The following SEMA3A variants were observed in gnomAD, a reference collection of about 807,000 sequenced individuals.
The protein encoded by SEMA3A is semaphorin 3A, also known as semaphorin-3A.
A neutral mutation model predicts 97.9 loss-of-function variants in SEMA3A; 29 were observed. The observed-to-expected ratio is 0.30, with a 90% CI of 0.22 to 0.40. The LOEUF is 0.40. SEMA3A is among the 10% of genes least tolerant of loss of function. SEMA3A has a pLI of 1.00. For missense variants in SEMA3A, 763 were observed against 951.3 expected, an observed-to-expected ratio of 0.80 and a Z score of 2.60; for synonymous variants, 321 against 323.7, an observed-to-expected ratio of 0.99 and a Z score of 0.09.
intron 1 of SEMA3A, among the ~76,000 whole-genome samples, chr7:84,163,126 T>C (rs1797092770): frequency 6.6e-6 from 1 of 152,166 alleles, no homozygotes; most frequent in South Asian, 2.1e-4. Flanking sequence ...GTAAAATAAT[T>C]TGTCAAAATC....
At chr7:84,141,932 A>T (rs1263485277) in intron 1 of SEMA3A, among the ~76,000 whole-genome samples, 1 of 152,140 alleles carries the variant, frequency 6.6e-6, no homozygotes, top group Non-Finnish European at 1.5e-5. Flanking sequence ...AGATGCATGT[A>T]CTTGAGCTTT....
chr7:84,444,338 A>G (rs1262980000), intron 1 of SEMA3A, among the ~76,000 whole-genome samples: 1 of 152,154 alleles, frequency 6.6e-6, no homozygotes, highest in Non-Finnish European at 1.5e-5. Context: ...GGTGCAAAAA[A>G]ATGTGTCACC....
chr7:84,315,527 A>G lies in SEMA3A; in HGVS notation c.-168-8235T>C, dbSNP rs566892653. 3.3e-5 allele frequency among the ~76,000 whole-genome samples: 5 copies of G among 152,324 alleles called. No individual in the cohort carries two copies. In the South Asian group the frequency reaches 1.0e-3, roughly 32 times the overall value. On this transcript the variant is annotated intron_variant, in intron 2 of 3. Transcript: ENST00000424555. ...GTTAAAAACAGACTTCAAATAGTTT[A>G]TCTCTTTCTAAACTAATTATGTAAG... is the stretch of plus-strand genomic sequence containing the variant.
chr7:84,194,323 G>A (rs1798145485), intron 1 of SEMA3A, 152 bp downstream of exon 1: 3 of 598,432 alleles, frequency 5.0e-6, no homozygotes. Context: ...TACAAAAAGC[G>A]TTTAAAGCAT....
In SEMA3A at chr7:84,468,427, T is replaced by G. The variant is rs562600537; in HGVS notation, c.-246+24033A>C. The stretch of plus-strand genomic sequence containing the variant: ...ATAGCAGGTGCCTAGTTTACTGCAT[T>G]TAAGGTCATTACAAAAGCACTTTGT... On this transcript the variant is annotated intron_variant, in intron 1 of 3. Transcript: ENST00000424555. Among the ~76,000 whole-genome samples the G allele has an allele frequency of 2.6e-5, 4 of 152,330 alleles. No individual in the cohort carries two copies. In the South Asian group the frequency reaches 8.3e-4, roughly 32 times the overall value.
chr7:84,114,877 A>T (rs1250710828), intron 3 of SEMA3A, among the ~76,000 whole-genome samples: 1 of 152,132 alleles, frequency 6.6e-6, no homozygotes. Context: ...CTCTTCTCCA[A>T]AGAGGCTTAT....
At chr7:84,067,004 C>T (rs1298348462) in intron 4 of SEMA3A, among the ~76,000 whole-genome samples, 3 of 152,088 alleles carry the variant, frequency 2.0e-5, no homozygotes, top group Admixed American at 6.6e-5. Flanking sequence ...AGGCATCACA[C>T]TACCTGACTT....
chr7:84,028,910 T>C (rs897736441), intron 6 of SEMA3A, among the ~76,000 whole-genome samples: 1 of 152,178 alleles, frequency 6.6e-6, no homozygotes, highest in Admixed American at 6.6e-5. Flanking sequence ...TGAGCCACAG[T>C]GCCTGACCAT....
intron 4 of SEMA3A, among the ~76,000 whole-genome samples, chr7:84,070,894 C>A (rs1456311002): frequency 6.6e-6 from 1 of 151,996 alleles, no homozygotes; most frequent in Non-Finnish European, 1.5e-5. Flanking sequence ...ATTAGTTAGT[C>A]TTCCTTTGCA....
intron 1 of SEMA3A, among the ~76,000 whole-genome samples, chr7:84,424,677 A>C (rs1168485175): frequency 1.1e-5 from 1 of 89,536 alleles, no homozygotes; most frequent in East Asian, 3.9e-4. Flanking sequence ...GTTATATAAT[A>C]TATAAATATA....
intron 7 of SEMA3A, among the ~76,000 whole-genome samples, chr7:84,013,314 A>C (rs892859631): frequency 6.6e-6 from 1 of 152,334 alleles, no homozygotes; most frequent in Non-Finnish European, 1.5e-5. Flanking sequence ...ATAAGTGTTT[A>C]TTGAACAATT....
chr7:84,417,936 T>TAAG (rs1321647942), intron 1 of SEMA3A, among the ~76,000 whole-genome samples: 1 of 152,162 alleles, frequency 6.6e-6, no homozygotes, highest in Non-Finnish European at 1.5e-5. Context: ...AAGCTAATAT[T>TAAG]AAATACTTAT....
chr7:84,109,871 T>G (rs1795225398), intron 4 of SEMA3A, among the ~76,000 whole-genome samples: 1 of 152,218 alleles, frequency 6.6e-6, no homozygotes, highest in African/African-American at 2.4e-5. Context: ...TATCTTGATT[T>G]TTGCTTAAAT....
chr7:84,185,919 C>G (rs573672853), intron 1 of SEMA3A, among the ~76,000 whole-genome samples: 1 of 152,246 alleles, frequency 6.6e-6, no homozygotes, highest in East Asian at 1.9e-4. Context: ...AGAAGCCCAA[C>G]TGACTGACCA....
intron 1 of SEMA3A, among the ~76,000 whole-genome samples, chr7:84,407,069 G>A (rs1168053872): frequency 1.3e-5 from 2 of 152,006 alleles, no homozygotes; most frequent in African/African-American, 2.4e-5. Context: ...GGCAGGAGAA[G>A]GAAATAAAGG....
intron 6 of SEMA3A, among the ~76,000 whole-genome samples, chr7:84,045,295 T>C (rs1287744297): frequency 6.6e-6 from 1 of 151,996 alleles, no homozygotes; most frequent in African/African-American, 2.4e-5. Context: ...TTCTTATTAA[T>C]GAATTATGTA....
At chr7:84,478,577 T>G (rs1806362866) in intron 1 of SEMA3A, among the ~76,000 whole-genome samples, 1 of 152,008 alleles carries the variant, frequency 6.6e-6, no homozygotes, top group African/African-American at 2.4e-5. Flanking sequence ...ATGGTCTTTG[T>G]GAAACATCCA....
At chr7:84,269,621 TTGCTTC>T (rs1277158234) in intron 3 of SEMA3A, among the ~76,000 whole-genome samples, 1 of 152,114 alleles carries the variant, frequency 6.6e-6, no homozygotes, top group Non-Finnish European at 1.5e-5. Flanking sequence ...GTCAAACATC[TTGCTTC>T]TGCAACATGA....
At chr7:83,962,724 T>C (rs1450708016) in intron 16 of SEMA3A, among the ~76,000 whole-genome samples, 2 of 152,150 alleles carry the variant, frequency 1.3e-5, no homozygotes, top group African/African-American at 4.8e-5. Context: ...CAATAGTTGA[T>C]ATCAGAGCTT....
Sources: allele counts gnomAD v4.1 joint callset (sites outside exome capture counted in the v4.1 genomes callset), GRCh38; gene constraint gnomAD v4.1.1; transcripts MANE v1.5; gene names NCBI Gene and HGNC (gene_info 2026-07-23, HGNC 2026-07-21).